The following UTRN variants were observed in gnomAD, a reference collection of about 807,000 sequenced individuals.
UTRN encodes dystrophin-related protein 1.
In UTRN, 283 loss-of-function variants were observed where a neutral mutation model predicts 463.9. That is an observed-to-expected ratio of 0.61 (90% CI 0.55 to 0.67). UTRN has a LOEUF of 0.67. Ranked by LOEUF, UTRN falls within the 30% of genes least tolerant of loss-of-function variation. The pLI is 0.00. For synonymous variants in UTRN, 1,442 were observed against 1,431.5 expected (o/e 1.01, Z -0.17); for missense variants, 3,922 against 4,084.3 (o/e 0.96, Z 1.08).
chr6:144,779,176 G>A (rs919820099), intron 60 of UTRN, among the ~76,000 whole-genome samples: 3 of 152,210 alleles, frequency 2.0e-5, no homozygotes, highest in Non-Finnish European at 4.4e-5. Context: ...CAATAGCAGT[G>A]CTGTGTTACT....
At chr6:144,764,487 A>G (rs916654092) in intron 58 of UTRN, among the ~76,000 whole-genome samples, 2 of 152,170 alleles carry the variant, frequency 1.3e-5, no homozygotes, top group Admixed American at 6.5e-5. Context: ...ACTCTATTGC[A>G]TTATAGTGAC....
rs533469130 is a variant in UTRN, at chr6:144,421,441, G to A, written c.142-437G>A. The stretch of plus-strand genomic sequence containing the variant: ...GCAGTGGCTCACGCCTGTAATCCCA[G>A]CACTTTGGGAGGCCGAGGTGGGCGG... On this transcript the variant is annotated intron_variant, in intron 3 of 74. Transcript: ENST00000367545. Among the ~76,000 whole-genome samples, 10 of 152,236 alleles carry A rather than the reference G, an allele frequency of 6.6e-5. No homozygotes were observed. In the East Asian group the frequency reaches 1.7e-3, roughly 26 times the overall value.
intron 2 of UTRN, among the ~76,000 whole-genome samples, chr6:144,355,792 AC>A (rs777681592): frequency 7.9e-5 from 12 of 152,054 alleles, no homozygotes; most frequent in Non-Finnish European, 8.8e-5. Context: ...ATCTTACATT[AC>A]TATGTTACGT....
At chr6:144,779,536 A>C (rs6901062) in intron 60 of UTRN, among the ~76,000 whole-genome samples, 39,534 of 152,088 alleles carry the variant, frequency 0.26, 6,179 homozygotes, top group East Asian at 0.71. Flanking sequence ...TGATCATCAT[A>C]AAGGGTCTTC....
intron 31 of UTRN, 66 bp downstream of exon 31, chr6:144,490,265 A>G: frequency 6.4e-7 from 1 of 1,554,460 alleles, no homozygotes; most frequent in Non-Finnish European, 8.7e-7. Context: ...AAAAAGAGAA[A>G]GAATTGATTA....
intron 33 of UTRN, among the ~76,000 whole-genome samples, chr6:144,493,672 A>G (rs977789633): frequency 1.3e-5 from 2 of 152,208 alleles, no homozygotes; most frequent in African/African-American, 4.8e-5. Flanking sequence ...TCATAGTTAC[A>G]TAGAAATTTA....
rs751103582 is a variant in UTRN at position 144,522,105 on chromosome 6, G to A, written c.5667G>A (p.Ser1889=). The A allele has an allele frequency of 5.1e-6, 8 of 1,583,866 alleles. No homozygotes were observed. The highest frequency in any genetic ancestry group is 2.7e-5 in the African/African-American group (2 of 72,784). The part of the protein sequence containing the change: ...ILLCMDDVEL[S]LNVPELNTAI... The stretch of plus-strand genomic sequence containing the variant: ...TTTGCATGGATGATGTTGAATTATC[G>A]CTTAATGTTCCAGAGCTCAACACTG... Residue 1889 remains serine (S), a synonymous_variant, in exon 40 of 75, where the codon TCG becomes TCA. Coordinates refer to ENST00000367545, the MANE Select transcript of UTRN (RefSeq NM_007124.3).
intron 51 of UTRN, chr6:144,660,183 G>C (rs1399111248): frequency 6.4e-6 from 3 of 470,520 alleles, no homozygotes; most frequent in South Asian, 4.7e-5. Context: ...TTGTCTGAAG[G>C]AAGTTTGCCG....
intron 51 of UTRN, among the ~76,000 whole-genome samples, chr6:144,595,779 A>G (rs977521193): frequency 6.6e-6 from 1 of 152,214 alleles, no homozygotes; most frequent in African/African-American, 2.4e-5. Flanking sequence ...TTTCAATAAT[A>G]ATTAAACATT....
At chr6:144,398,835 G>A (rs566947686) in intron 2 of UTRN, 2 of 151,906 alleles carry the variant, frequency 1.3e-5, no homozygotes, top group East Asian at 3.9e-4. Context: ...CTAGTTCATT[G>A]TAAACTAAAG....
chr6:144,603,087 AT>A (rs200966788), intron 51 of UTRN, among the ~76,000 whole-genome samples: 7 of 151,866 alleles, frequency 4.6e-5, no homozygotes, highest in Non-Finnish European at 8.8e-5. Flanking sequence ...GTTTTTATGA[AT>A]TTTTTTTGTT....
intron 23 of UTRN, among the ~76,000 whole-genome samples, chr6:144,470,261 T>G (rs1341617680): frequency 1.3e-5 from 2 of 151,072 alleles, no homozygotes; most frequent in African/African-American, 4.9e-5. Context: ...GGTTCCCCAC[T>G]TCCCAGATGG....
At chr6:144,681,435 C>T (rs778176866) in intron 52 of UTRN, among the ~76,000 whole-genome samples, 2 of 152,080 alleles carry the variant, frequency 1.3e-5, no homozygotes, top group Non-Finnish European at 2.9e-5. Flanking sequence ...CTGTCGAGAG[C>T]CAAGGAAAGA....
At chr6:144,354,184 T>C (rs1778355659) in intron 2 of UTRN, among the ~76,000 whole-genome samples, 1 of 152,136 alleles carries the variant, frequency 6.6e-6, no homozygotes, top group Non-Finnish European at 1.5e-5. Flanking sequence ...AGAAAGGCAG[T>C]GGGTGTGAAT....
chr6:144,447,863 GA>G, intron 16 of UTRN, 82 bp downstream of exon 16: 1 of 1,406,482 alleles, frequency 7.1e-7, no homozygotes, highest in Non-Finnish European at 9.4e-7. Flanking sequence ...TAATTTGTAT[GA>G]AATAAACTAA....
At chr6:144,787,227 A>G (rs1776369870) in intron 61 of UTRN, among the ~76,000 whole-genome samples, 1 of 152,210 alleles carries the variant, frequency 6.6e-6, no homozygotes, top group Admixed American at 6.5e-5. Context: ...TTTGAAAGGA[A>G]GCAAACATTG....
chr6:144,416,674 G>A (rs762971811), intron 3 of UTRN, among the ~76,000 whole-genome samples: 2 of 152,122 alleles, frequency 1.3e-5, no homozygotes, highest in Non-Finnish European at 2.9e-5. Context: ...GCCACGCCAG[G>A]GCTGTAGTAT....
rs1361977301 is a variant in UTRN at position 144,774,333 on chromosome 6, C to A, written c.8601C>A (p.Ile2867=). 6.2e-7 allele frequency: 1 copy of A among 1,602,012 alleles called. No individual in the cohort carries two copies. Among genetic ancestry groups the A allele is most frequent in the Non-Finnish European group, 8.5e-7 (1 of 1,176,498 alleles). Residue 2867 remains isoleucine (I), a synonymous_variant, in exon 60 of 75, where the codon ATC becomes ATA. Coordinates refer to ENST00000367545, the MANE Select transcript of UTRN (RefSeq NM_007124.3). Reference sequence around the variant, plus strand: ...GTTTTTCTGCCTACCGTACAGCAATCAAAATCCGAAGACTACAAAAAGCAC... The same window carrying A: ...GTTTTTCTGCCTACCGTACAGCAATAAAAATCCGAAGACTACAAAAAGCAC... ...NVRFSAYRTA[I]KIRRLQKALC... is the part of the protein sequence containing the mutation.
rs775923518 is a variant in UTRN, at chr6:144,533,069, T to C, written c.6058-16T>C. 5 of 1,411,330 alleles carry C rather than the reference T, an allele frequency of 3.5e-6. No individual in the cohort carries two copies. Among genetic ancestry groups the C allele is most frequent in the East Asian group, 2.3e-5 (1 of 43,622 alleles). 87.4% of individuals were successfully genotyped at this position (1,411,330 alleles called of 1,614,324 possible). A position where few individuals can be genotyped will look rare whatever the true frequency, so the allele number is the denominator to read the frequency against. Reference sequence around the variant, plus strand: ...ACTTATTAGTGAAACTAATCTTGAGTTGTGCTCTGTTACAGGAACTTGAGG... The same window carrying C: ...ACTTATTAGTGAAACTAATCTTGAGCTGTGCTCTGTTACAGGAACTTGAGG... On this transcript the variant is annotated splice_polypyrimidine_tract_variant and intron_variant, in intron 42 of 74. Coordinates refer to ENST00000367545, the MANE Select transcript of UTRN (RefSeq NM_007124.3).
Sources: allele counts gnomAD v4.1 joint callset (sites outside exome capture counted in the v4.1 genomes callset), GRCh38; gene constraint gnomAD v4.1.1; transcripts MANE v1.5; gene names NCBI Gene and HGNC (gene_info 2026-07-23, HGNC 2026-07-21).